The following ZMYM2 variants were observed in gnomAD, a reference collection of about 807,000 sequenced individuals.
ZMYM2 encodes the protein zinc finger MYM-type protein 2.
Under a neutral mutation model 162.8 loss-of-function variants are expected in ZMYM2, and 56 were observed. The observed-to-expected ratio is 0.34, with a 90% CI of 0.28 to 0.43. ZMYM2 has a LOEUF of 0.43. Ranked by LOEUF, ZMYM2 falls within the 20% of genes least tolerant of loss-of-function variation. The pLI, the probability that ZMYM2 is intolerant of heterozygous loss-of-function variation, is 1.00. For missense variants in ZMYM2, 1,275 were observed against 1,621.8 expected (o/e 0.79, Z 3.67); for synonymous variants, 510 against 541.6 (o/e 0.94, Z 0.81).
chr13:19,896,639 C>T, the ZMYM2 span, among the ~76,000 whole-genome samples: 2 of 150,366 alleles, frequency 1.3e-5, no homozygotes, highest in African/African-American at 4.9e-5. Context: ...CGCCTGTAGT[C>T]CCAGCTACTC....
At chr13:19,900,804 C>T in the ZMYM2 span, among the ~76,000 whole-genome samples, 12,715 of 151,994 alleles carry the variant, frequency 0.084, 576 homozygotes, top group Middle Eastern at 0.12. Flanking sequence ...GAGGCCGAGG[C>T]GGGCAGATCA....
chr13:19,883,691 T>C, the ZMYM2 span, among the ~76,000 whole-genome samples: 1 of 152,356 alleles, frequency 6.6e-6, no homozygotes, highest in Non-Finnish European at 1.5e-5. Flanking sequence ...TATTAGGCCC[T>C]ATGAATTAAA....
intron 2 of ZMYM2, among the ~76,000 whole-genome samples, chr13:19,967,793 C>T (rs1400438126): frequency 1.3e-5 from 2 of 152,122 alleles, no homozygotes; most frequent in African/African-American, 4.8e-5. Flanking sequence ...AGTAGGTGCT[C>T]AGTTAATAGC....
Position 20,083,004 on chromosome 13 carries a change from G to A in ZMYM2, c.3792G>A (p.Val1264=). Reference sequence around the variant, plus strand: ...ACAAAGCGTGTCTTCGATACCAAGTGTCTTCCTTGTGTGGAACAGATAATG... The same window carrying A: ...ACAAAGCGTGTCTTCGATACCAAGTATCTTCCTTGTGTGGAACAGATAATG... The part of the protein sequence containing the change: ...MENKACLRYQ[V]SSLCGTDNED... The change falls in exon 23 of 25, where the codon GTG becomes GTA. Residue 1264 remains valine, a synonymous_variant. Coordinates refer to ENST00000610343, the MANE Select transcript of ZMYM2 (RefSeq NM_197968.4). 4 of 1,613,438 alleles carry A rather than the reference G, an allele frequency of 2.5e-6. No individual in the cohort carries two copies. The highest frequency in any genetic ancestry group is 2.5e-6 in the Non-Finnish European group (3 of 1,179,556).
intron 6 of ZMYM2, among the ~76,000 whole-genome samples, chr13:20,015,691 A>G (rs1951562762): frequency 6.6e-6 from 1 of 151,908 alleles, no homozygotes; most frequent in Non-Finnish European, 1.5e-5. Flanking sequence ...TATATTTGTT[A>G]TATCTTCTTG....
chr13:19,877,292 T>C, the ZMYM2 span, among the ~76,000 whole-genome samples: 13 of 151,944 alleles, frequency 8.6e-5, no homozygotes, highest in Non-Finnish European at 1.3e-4. Flanking sequence ...GGTGCCTGCA[T>C]CTGCTTCACT....
At chr13:20,006,662 G>T in intron 6 of ZMYM2, 76 bp downstream of exon 6, 2 of 1,406,378 alleles carry the variant, frequency 1.4e-6, no homozygotes, top group Non-Finnish European at 9.8e-7. Flanking sequence ...TACTCTAACA[G>T]TGTTTATTAA....
chr13:20,002,873 T>G lies in ZMYM2; in HGVS notation c.871T>G (p.Ser291Ala), dbSNP rs751218581. ...NPDSWISQSA[S>A]FPRNQKQPGV... ...AGATTCTTGGATCTCCCAGTCAGCTTCATTTCCCCGTAATCAGAAACAACC... is the reference window on the plus strand; with the variant it reads ...AGATTCTTGGATCTCCCAGTCAGCTGCATTTCCCCGTAATCAGAAACAACC... Residue 291 changes from serine to alanine, a missense_variant, in exon 4 of 25, where the codon TCA (serine) becomes GCA (alanine). Physicochemically the swap from Ser to Ala is moderately conservative, Grantham distance 99 (BLOSUM62 1). Transcript: ENST00000610343. 1 of 1,613,882 alleles carries G rather than the reference T, an allele frequency of 6.2e-7. No individual in the cohort carries two copies. Among genetic ancestry groups the G allele is most frequent in the Non-Finnish European group, 8.5e-7 (1 of 1,179,760 alleles).
chr13:19,954,808 T>C (rs1954477911), upstream of ZMYM2, among the ~76,000 whole-genome samples: 1 of 151,960 alleles, frequency 6.6e-6, no homozygotes, highest in Admixed American at 6.6e-5. Context: ...TGTTAAAATA[T>C]TGTTGTTTTT....
chr13:20,036,092 T>TGTTAGTAGAATTACTAGTAGTAAGTAGAA (rs1420044326), intron 11 of ZMYM2, among the ~76,000 whole-genome samples: 17 of 152,160 alleles, frequency 1.1e-4, no homozygotes, highest in African/African-American at 4.1e-4. Context: ...ATGTAAGTCA[T>TGTTAGTAGAATTACTAGTAGTAAGTAGAA]TCTACTTACA....
chr13:20,051,331 T>C (rs979203614), intron 12 of ZMYM2, 102 bp from the exon 13 acceptor site: 1 of 1,162,804 alleles, frequency 8.6e-7, no homozygotes, highest in Admixed American at 2.8e-5. Flanking sequence ...ACTTTTTCTG[T>C]ATCAGTCACG....
chr13:20,031,336 A>T lies in ZMYM2; in HGVS notation c.1869A>T (p.Ser623=), dbSNP rs1953115441. The change falls in exon 10 of 25, where the codon TCA becomes TCT. Residue 623 remains serine, a synonymous_variant. Coordinates refer to ENST00000610343, the MANE Select transcript of ZMYM2 (RefSeq NM_197968.4). ...VAKFQALSMQ[S]SPNGQFVAPS... The stretch of plus-strand genomic sequence containing the variant: ...TGTTTTAGGCTCTAAGTATGCAGTC[A>T]TCTCCAAATGGCCAGTTTGTAGCGC... 6.2e-7 allele frequency: 1 copy of T among 1,607,522 alleles called. No individual in the cohort carries two copies.
At chr13:20,011,209 C>T (rs2181594) in intron 6 of ZMYM2, among the ~76,000 whole-genome samples, 146,829 of 152,266 alleles carry the variant, frequency 0.96, 71,030 homozygotes, top group East Asian at 1. Context: ...TGTATCCCTT[C>T]GTACTTTTGT....
At chr13:19,914,270 G>A in the ZMYM2 span, among the ~76,000 whole-genome samples, 1 of 152,216 alleles carries the variant, frequency 6.6e-6, no homozygotes, top group Admixed American at 6.5e-5. Flanking sequence ...CAGCAGAGGA[G>A]TATTTTAATA....
chr13:19,874,534 A>C, the ZMYM2 span, among the ~76,000 whole-genome samples: 1 of 152,168 alleles, frequency 6.6e-6, no homozygotes, highest in African/African-American at 2.4e-5. Flanking sequence ...TGCCCGGCTC[A>C]TTCCAATCTT....
In ZMYM2 at chr13:20,088,268, C is replaced by G. The variant is rs1437557841; in HGVS notation, c.*2254C>G. On this transcript the variant is annotated 3_prime_UTR_variant, in exon 25 of 25. Coordinates refer to ENST00000610343, the MANE Select transcript of ZMYM2 (RefSeq NM_197968.4). ...ATTGTTTGTTCTGTGAAACTCACTT[C>G]ACCTAGAACACATTTCATTGATTCT... 1 of 208,126 alleles carries G rather than the reference C, an allele frequency of 4.8e-6. No individual in the cohort carries two copies. 12.9% of individuals were successfully genotyped at this position (208,126 alleles called of 1,614,324 possible). A position where few individuals can be genotyped will look rare whatever the true frequency, so the allele number is the denominator to read the frequency against.
At chr13:19,997,766 G>A (rs1433341714) in intron 3 of ZMYM2, among the ~76,000 whole-genome samples, 1 of 152,104 alleles carries the variant, frequency 6.6e-6, no homozygotes, top group African/African-American at 2.4e-5. Flanking sequence ...AATAGTACAT[G>A]TAATTCTAAC....
chr13:19,951,344 T>C, the ZMYM2 span, among the ~76,000 whole-genome samples: 6 of 151,870 alleles, frequency 4.0e-5, no homozygotes, highest in Non-Finnish European at 8.8e-5. Flanking sequence ...GAGGTTACTA[T>C]CCACAATAGG....
the ZMYM2 span, among the ~76,000 whole-genome samples, chr13:19,867,213 C>T: frequency 3.9e-5 from 6 of 152,052 alleles, no homozygotes; most frequent in East Asian, 2.0e-4. Flanking sequence ...ATTAGCCAGG[C>T]GTGGTGGCAC....
Sources: allele counts gnomAD v4.1 joint callset (sites outside exome capture counted in the v4.1 genomes callset), GRCh38; gene constraint gnomAD v4.1.1; transcripts MANE v1.5; gene names NCBI Gene and HGNC (gene_info 2026-07-23, HGNC 2026-07-21).